Variants in GLG1 observed in about 807,000 individuals in gnomAD.
The protein encoded by GLG1 is Golgi apparatus protein 1.
A neutral mutation model predicts 160.5 loss-of-function variants in GLG1; 38 were observed. The ratio of observed to expected loss-of-function variants is 0.24; its 90% CI spans 0.18 to 0.31. GLG1 has a LOEUF of 0.31. GLG1 is among the 10% of genes least tolerant of loss of function. The probability of loss-of-function intolerance (pLI) is 1.00; values close to 1 mark genes in which losing one functional copy is unlikely to be tolerated. For missense variants in GLG1, 1,373 were observed against 1,505.2 expected (o/e 0.91, Z 1.45); for synonymous variants, 644 against 543.4 (o/e 1.19, Z -2.57).
chr16:74,459,206 C>T (rs751943232), intron 23 of GLG1, among the ~76,000 whole-genome samples: 4 of 152,064 alleles, frequency 2.6e-5, no homozygotes, highest in Non-Finnish European at 5.9e-5. Flanking sequence ...TGGCTGGGCG[C>T]GGTGGCTCAC....
At chr16:74,603,286 T>A (rs770052796) in intron 1 of GLG1, among the ~76,000 whole-genome samples, 3 of 151,482 alleles carry the variant, frequency 2.0e-5, no homozygotes, top group Non-Finnish European at 4.4e-5. Context: ...GGTGCGTGCC[T>A]GTAATCCCAG....
intron 1 of GLG1, among the ~76,000 whole-genome samples, chr16:74,605,719 G>A (rs1317816819): frequency 6.6e-6 from 1 of 151,884 alleles, no homozygotes; most frequent in Admixed American, 6.6e-5. Flanking sequence ...TAGCTTGAAC[G>A]CCTTAAACAA....
intron 3 of GLG1, among the ~76,000 whole-genome samples, chr16:74,504,135 A>T (rs1180605505): frequency 6.6e-6 from 1 of 152,162 alleles, no homozygotes; most frequent in Non-Finnish European, 1.5e-5. Flanking sequence ...CGAGGGGATG[A>T]ATCTAGGGAG....
intron 1 of GLG1, among the ~76,000 whole-genome samples, chr16:74,606,227 A>G (rs1958561929): frequency 6.6e-6 from 1 of 152,232 alleles, no homozygotes; most frequent in Admixed American, 6.5e-5. Context: ...TAATAAACAG[A>G]TCATTCTTTA....
At chr16:74,520,008 CTT>C (rs1413641205) in intron 2 of GLG1, among the ~76,000 whole-genome samples, 1 of 152,134 alleles carries the variant, frequency 6.6e-6, no homozygotes, top group African/African-American at 2.4e-5. Flanking sequence ...TCCTATACGA[CTT>C]TTAGTTTGCT....
intron 10 of GLG1, among the ~76,000 whole-genome samples, chr16:74,482,556 T>C (rs1482674157): frequency 6.6e-6 from 1 of 152,144 alleles, no homozygotes. Context: ...AGAGGGAAAT[T>C]AGATAATCAA....
Position 74,491,007 on chromosome 16 carries a change from C to G in GLG1, c.1443G>C (p.Gln481His). The change falls in exon 8 of 26, where the codon CAG (glutamine) becomes CAC (histidine). Residue 481 changes from glutamine to histidine, a missense_variant. Around this residue, in one of 4 missense-constraint regions of GLG1, gnomAD observed 386 missense variants for 388.5 expected, o/e 0.99. Coordinates refer to ENST00000422840, the MANE Select transcript of GLG1 (RefSeq NM_001145667.2). ...GEKGNLGMNC[Q>H]QALQTLIQET... ...AATAGCAATGTCTCCTTACCGCCTGCTGGCAGTTCATTCCAAGGTTCCCCT... is the reference window on the plus strand; with the variant it reads ...AATAGCAATGTCTCCTTACCGCCTGGTGGCAGTTCATTCCAAGGTTCCCCT... 1 of 1,611,700 alleles carries G rather than the reference C, an allele frequency of 6.2e-7. No individual in the cohort carries two copies.
intron 24 of GLG1, 61 bp downstream of exon 24, chr16:74,457,813 G>C (rs1242953541): frequency 6.6e-7 from 1 of 1,511,554 alleles, no homozygotes; most frequent in Non-Finnish European, 9.1e-7. Context: ...ATGTCTAAGA[G>C]GGAGTCTTTG....
intron 2 of GLG1, among the ~76,000 whole-genome samples, chr16:74,529,500 T>C (rs2017457138): frequency 6.6e-6 from 1 of 152,168 alleles, no homozygotes; most frequent in Non-Finnish European, 1.5e-5. Context: ...CTCTATTTTA[T>C]TAGTTATTTG....
intron 1 of GLG1, among the ~76,000 whole-genome samples, chr16:74,553,244 T>C (rs1184277481): frequency 6.6e-6 from 1 of 151,064 alleles, no homozygotes; most frequent in Non-Finnish European, 1.5e-5. Flanking sequence ...AAATTTTTTT[T>C]AAAGACAGGG....
intron 1 of GLG1, among the ~76,000 whole-genome samples, chr16:74,595,218 GAACCACCAATTTAAGAAGAATTA>G: frequency 1.3e-5 from 2 of 149,502 alleles, no homozygotes; most frequent in East Asian, 2.0e-4. Context: ...TAATTAACAT[GAACCACCAATTTAAGAAGAATTA>G]AAAGTACTGA....
intron 8 of GLG1, among the ~76,000 whole-genome samples, chr16:74,488,683 G>A (rs1219764285): frequency 1.3e-5 from 2 of 152,008 alleles, no homozygotes; most frequent in Non-Finnish European, 2.9e-5. Flanking sequence ...GCAGTAGTGT[G>A]ATCTCAGCTT....
At chr16:74,546,362 T>C (rs2018046215) in intron 1 of GLG1, among the ~76,000 whole-genome samples, 1 of 151,998 alleles carries the variant, frequency 6.6e-6, no homozygotes, top group African/African-American at 2.4e-5. Flanking sequence ...GAAGGATCGC[T>C]TGAGCCCAGG....
chr16:74,532,105 GA>G lies in GLG1; in HGVS notation c.471+15del. ...TATAAAGCACATATGGCGCATCACA[GA>G]AAATCCATACTTACATGATTGCAGT... On this transcript the variant is annotated intron_variant, in intron 2 of 25. Transcript: ENST00000422840. 1 of 1,309,008 alleles carries G rather than the reference GA, an allele frequency of 7.6e-7. No individual in the cohort carries two copies. The highest frequency in any genetic ancestry group is 1.5e-5 in the African/African-American group (1 of 66,432). The allele number at this position is 1,309,008 out of a possible 1,614,324, so 81.1% of individuals were successfully genotyped here. A position where few individuals can be genotyped will look rare whatever the true frequency, so the allele number is the denominator to read the frequency against.
chr16:74,564,496 T>C (rs1018455615), intron 1 of GLG1, among the ~76,000 whole-genome samples: 4 of 152,226 alleles, frequency 2.6e-5, no homozygotes, highest in African/African-American at 7.2e-5. Context: ...CAGCCATCTA[T>C]GTAAGTTCAA....
chr16:74,569,568 A>AAAATGCAAT (rs1754840141), intron 1 of GLG1, among the ~76,000 whole-genome samples: 1 of 152,198 alleles, frequency 6.6e-6, no homozygotes, highest in African/African-American at 2.4e-5. Flanking sequence ...TTGTATCATC[A>AAAATGCAAT]AAATGCAATA....
chr16:74,506,487 C>A (rs1460536236), intron 3 of GLG1, among the ~76,000 whole-genome samples: 1 of 144,942 alleles, frequency 6.9e-6, no homozygotes, highest in Non-Finnish European at 1.5e-5. Context: ...GAGGCTGAGG[C>A]AGGAGAATGG....
chr16:74,501,509 C>A (rs1339751439), intron 4 of GLG1, among the ~76,000 whole-genome samples: 1 of 152,188 alleles, frequency 6.6e-6, no homozygotes, highest in Non-Finnish European at 1.5e-5. Context: ...GCAATCGTTT[C>A]AGTCACTACA....
At chr16:74,474,331 G>C in intron 13 of GLG1, 1 of 531,980 alleles carries the variant, frequency 1.9e-6, no homozygotes, top group Non-Finnish European at 3.4e-6. Flanking sequence ...AAACCAAAGG[G>C]CTGTATAGAG....
Sources: allele counts gnomAD v4.1 joint callset (sites outside exome capture counted in the v4.1 genomes callset), GRCh38; gene constraint gnomAD v4.1.1; regional missense constraint gnomAD v4.1.1; transcripts MANE v1.5; gene names NCBI Gene and HGNC (gene_info 2026-07-23, HGNC 2026-07-21).